Variants in GPATCH2L observed in about 807,000 individuals in gnomAD.
GPATCH2L encodes the protein G-patch domain containing 2 like, also known as G patch domain-containing protein 2-like.
GPATCH2L carries 31 observed loss-of-function variants against 57.4 expected under a neutral mutation model. The observed-to-expected ratio is 0.54, with a 90% CI of 0.41 to 0.73. The LOEUF is 0.73. Ranked by LOEUF, GPATCH2L falls within the 30% of genes least tolerant of loss-of-function variation. GPATCH2L has a pLI of 0.00. For synonymous variants in GPATCH2L, 199 were observed against 210.7 expected (o/e 0.94, Z 0.48); for missense variants, 481 against 599.9 (o/e 0.80, Z 2.07).
intron 2 of GPATCH2L, among the ~76,000 whole-genome samples, chr14:76,231,616 A>AACACAC (rs1203145233): frequency 1.1e-3 from 35 of 32,382 alleles, no homozygotes; most frequent in African/African-American, 2.6e-3. Context: ...TTAGAAACTA[A>AACACAC]ACACATACAC....
rs2040133299 is a variant in GPATCH2L at position 76,195,886 on chromosome 14, A to G, written c.1202A>G (p.Asn401Ser). 6.2e-7 allele frequency: 1 copy of G among 1,613,200 alleles called. No homozygotes were observed. The highest frequency in any genetic ancestry group is 8.5e-7 in the Non-Finnish European group (1 of 1,179,212). ...SPAHCSARQA[N>S]VHWGPPCSRD... ...TCTTCTTACATCTGCAGACAGGCAA[A>G]TGTACACTGGGGACCACCATGTTCA... The change falls in exon 9 of 10, where the codon AAT becomes AGT. Residue 401 changes from asparagine (N) to serine (S), a missense_variant. Transcript: ENST00000261530.
At chr14:76,216,672 G>C (rs1302055179), downstream of GPATCH2L, among the ~76,000 whole-genome samples, 1 of 152,068 alleles carries the variant, frequency 6.6e-6, no homozygotes, top group Admixed American at 6.6e-5. Flanking sequence ...TTTTTCTGGA[G>C]CTTGACACAT....
At chr14:76,183,202 T>A (rs994096362) in intron 8 of GPATCH2L, among the ~76,000 whole-genome samples, 3 of 152,250 alleles carry the variant, frequency 2.0e-5, no homozygotes, top group African/African-American at 7.2e-5. Context: ...CTGTCTTCAC[T>A]CTTTTGCCTG....
chr14:76,192,213 T>C (rs1347967565), intron 8 of GPATCH2L, among the ~76,000 whole-genome samples: 1 of 151,848 alleles, frequency 6.6e-6, no homozygotes, highest in Non-Finnish European at 1.5e-5. Context: ...TAGGGTTCTT[T>C]CCAAGCAGAT....
At chr14:76,201,377 T>G (rs1228540262) in intron 9 of GPATCH2L, among the ~76,000 whole-genome samples, 1 of 152,226 alleles carries the variant, frequency 6.6e-6, no homozygotes, top group Admixed American at 6.5e-5. Flanking sequence ...AACAAGATCA[T>G]GAGTATTCAT....
intron 2 of GPATCH2L, among the ~76,000 whole-genome samples, chr14:76,165,351 G>T (rs2038780431): frequency 6.6e-6 from 1 of 151,956 alleles, no homozygotes; most frequent in Non-Finnish European, 1.5e-5. Context: ...AATTAGCTGG[G>T]TGTGGTGGTG....
At chr14:76,184,047 T>G (rs2039678266) in intron 8 of GPATCH2L, among the ~76,000 whole-genome samples, 1 of 151,952 alleles carries the variant, frequency 6.6e-6, no homozygotes, top group Non-Finnish European at 1.5e-5. Context: ...TGTGTGTGTG[T>G]GTGTGTGTGT....
At chr14:76,225,686 G>T (rs577319657) in intron 1 of GPATCH2L, among the ~76,000 whole-genome samples, 1 of 152,160 alleles carries the variant, frequency 6.6e-6, no homozygotes, top group African/African-American at 2.4e-5. Context: ...CCACAAAATA[G>T]GAGATTATAC....
downstream of GPATCH2L, among the ~76,000 whole-genome samples, chr14:76,218,251 TTAGAA>T (rs914716066): frequency 3.3e-5 from 5 of 152,016 alleles, no homozygotes; most frequent in South Asian, 2.1e-4. Context: ...GATACAGAAA[TTAGAA>T]GAGAAGAGAA....
intron 2 of GPATCH2L, chr14:76,230,184 G>GT (rs1317485554): frequency 6.6e-6 from 1 of 152,248 alleles, no homozygotes; most frequent in Non-Finnish European, 1.5e-5. Flanking sequence ...CAGAAGGGGA[G>GT]TAAGAAGCCC....
At chr14:76,182,355 T>G (rs1335873883) in intron 8 of GPATCH2L, among the ~76,000 whole-genome samples, 2 of 34,154 alleles carry the variant, frequency 5.9e-5, no homozygotes, top group African/African-American at 1.9e-4. Flanking sequence ...AGACCCCGTC[T>G]CAGAAAAGAA....
At position 76,202,372 on chromosome 14, in the gene GPATCH2L, C is replaced by A. The variant is rs1280304955; in HGVS notation, c.*521C>A. The A allele has an allele frequency of 6.5e-6, 1 of 152,672 alleles. No homozygotes were observed. The highest frequency in any genetic ancestry group is 6.5e-5 in the Admixed American group (1 of 15,278). 9.5% of individuals were successfully genotyped at this position (152,672 alleles called of 1,614,324 possible). A position where few individuals can be genotyped will look rare whatever the true frequency, so the allele number is the denominator to read the frequency against. ...GCAGAGTGCCAATAAGATAAATCAACCAAGTTTTGGGGCCTCAAAAGAGAC... is the reference window on the plus strand; with the variant it reads ...GCAGAGTGCCAATAAGATAAATCAAACAAGTTTTGGGGCCTCAAAAGAGAC... On this transcript the variant is annotated 3_prime_UTR_variant, in exon 10 of 10. Coordinates refer to ENST00000261530, the MANE Select transcript of GPATCH2L (RefSeq NM_017926.4).
In GPATCH2L at chr14:76,206,626, A is replaced by C. The variant is rs2040378590; in HGVS notation, c.*4775A>C. On this transcript the variant is annotated 3_prime_UTR_variant, in exon 10 of 10. Coordinates refer to ENST00000261530, the MANE Select transcript of GPATCH2L (RefSeq NM_017926.4). ...AATGGGGAGAGAAAGGGAGATGCCC[A>C]GAGCAGGAATTCTCAATGTGTGGTC... 1 of 152,412 alleles carries C rather than the reference A, an allele frequency of 6.6e-6. No homozygotes were observed. Among genetic ancestry groups the C allele is most frequent in the Non-Finnish European group, 1.5e-5 (1 of 68,158 alleles). The allele number at this position is 152,412 out of a possible 1,614,324, so 9.4% of individuals were successfully genotyped here. A position where few individuals can be genotyped will look rare whatever the true frequency, so the allele number is the denominator to read the frequency against.
At chr14:76,194,502 T>TGTGTGTGTGTGTGTGTGTGC (rs985038118) in intron 8 of GPATCH2L, among the ~76,000 whole-genome samples, 1 of 152,092 alleles carries the variant, frequency 6.6e-6, no homozygotes, top group African/African-American at 2.4e-5. Flanking sequence ...TGTGTGTGTG[T>TGTGTGTGTGTGTGTGTGTGC]GTGCACGCTC....
rs867984981 is a variant in GPATCH2L at position 76,177,475 on chromosome 14, C to G, written c.1053-513C>G. Among the ~76,000 whole-genome samples the G allele has an allele frequency of 7.9e-5, 12 of 151,834 alleles. No individual in the cohort carries two copies. In the South Asian group the frequency reaches 8.3e-4, roughly 11 times the overall value. On this transcript the variant is annotated intron_variant, in intron 6 of 9. Transcript: ENST00000261530. The stretch of plus-strand genomic sequence containing the variant: ...TAAAATGGTTGGTTCTTTCATATAT[C>G]TTGTATGCATCATGGTCAGTACCCA...
intron 2 of GPATCH2L, among the ~76,000 whole-genome samples, chr14:76,234,264 C>G (rs1566830805): frequency 6.6e-6 from 1 of 152,178 alleles, no homozygotes; most frequent in African/African-American, 2.4e-5. Flanking sequence ...CTGCTTTCCT[C>G]TAAGACATGG....
rs1185847250 is a variant in GPATCH2L at position 76,166,710 on chromosome 14, A to G, written c.710A>G (p.Asn237Ser). 5 of 1,608,744 alleles carry G rather than the reference A, an allele frequency of 3.1e-6. No homozygotes were observed. Among genetic ancestry groups the G allele is most frequent in the Non-Finnish European group, 4.3e-6 (5 of 1,175,152 alleles). ...CSSSDTGLFT[N>S]DEGRQGDDEQ... Reference sequence around the variant, plus strand: ...AGCAGTGACACTGGGCTCTTTACCAATGATGAAGGGCGACAAGGTAATGTC... The same window carrying G: ...AGCAGTGACACTGGGCTCTTTACCAGTGATGAAGGGCGACAAGGTAATGTC... The change falls in exon 3 of 10, where the codon AAT becomes AGT. Residue 237 changes from asparagine to serine, a missense_variant. Physicochemically the swap from Asn to Ser is conservative, Grantham distance 46 (BLOSUM62 1). Transcript: ENST00000261530.
In GPATCH2L at chr14:76,167,139, C is replaced by T. The variant is rs557562293; in HGVS notation, c.727+412C>T. Among the ~76,000 whole-genome samples the T allele has an allele frequency of 1.1e-3, 164 of 151,870 alleles. 1 individual carries two copies. Among genetic ancestry groups the T allele is most frequent in the African/African-American group, 3.9e-3 (162 of 41,412 alleles). On this transcript the variant is annotated intron_variant, in intron 3 of 9. Coordinates refer to ENST00000261530, the MANE Select transcript of GPATCH2L (RefSeq NM_017926.4). ...AGAGAAAATCTTGTCACTTTTGTAG[C>T]CTTATTTATAAATGATTATAGTGTC...
intron 1 of GPATCH2L, among the ~76,000 whole-genome samples, chr14:76,223,470 A>G (rs1433185149): frequency 6.6e-6 from 1 of 152,246 alleles, no homozygotes; most frequent in Non-Finnish European, 1.5e-5. Flanking sequence ...GGCTAAAACT[A>G]GAAAACATTT....
Sources: gnomAD v4.1 joint callset for allele counts (sites outside exome capture counted in the v4.1 genomes callset) on GRCh38, gnomAD v4.1.1 for gene constraint, MANE v1.5 for transcripts, NCBI Gene and HGNC (gene_info 2026-07-23, HGNC 2026-07-21) for gene names.